Variants in CCDC7 observed in about 807,000 individuals in gnomAD.
The protein encoded by CCDC7 is coiled-coil domain-containing protein 7.
A neutral mutation model predicts 196.9 loss-of-function variants in CCDC7; 183 were observed. That is an observed-to-expected ratio of 0.93 (90% CI 0.82 to 1.05). The LOEUF (loss-of-function observed/expected upper bound fraction) is 1.05, where lower values mean the gene tolerates loss of function less well. Among genes scored for constraint, CCDC7 ranks in the 50% least tolerant of loss-of-function variants. The pLI, the probability that CCDC7 is intolerant of heterozygous loss-of-function variation, is 0.00. For missense variants in CCDC7, 1,540 were observed against 1,482.2 expected, an observed-to-expected ratio of 1.04 and a Z score of -0.64; for synonymous variants, 525 against 484.6, an observed-to-expected ratio of 1.08 and a Z score of -1.10.
At chr10:32,712,987 T>A (rs749557892) in intron 25 of CCDC7, among the ~76,000 whole-genome samples, 4 of 152,158 alleles carry the variant, frequency 2.6e-5, no homozygotes, top group Non-Finnish European at 5.9e-5. Context: ...TTAATACTGG[T>A]TTTGGTAGAC....
chr10:32,627,382 G>A (rs7905328), intron 18 of CCDC7, among the ~76,000 whole-genome samples: 59,661 of 151,580 alleles, frequency 0.39, 11,981 homozygotes, highest in East Asian at 0.58. Context: ...TTTGTATTGC[G>A]CAACTTTATA....
chr10:32,570,210 C>A (rs2057377513), intron 15 of CCDC7, among the ~76,000 whole-genome samples: 1 of 152,148 alleles, frequency 6.6e-6, no homozygotes, highest in African/African-American at 2.4e-5. Flanking sequence ...GCATCCTCAT[C>A]CATCTAATTG....
chr10:32,669,163 G>T (rs1591377953), intron 21 of CCDC7, among the ~76,000 whole-genome samples: 1 of 152,104 alleles, frequency 6.6e-6, no homozygotes, highest in African/African-American at 2.4e-5. Context: ...TTATCATGTG[G>T]TTTTTGTCCT....
At chr10:32,612,176 T>C (rs1055753890) in intron 18 of CCDC7, among the ~76,000 whole-genome samples, 2 of 152,114 alleles carry the variant, frequency 1.3e-5, no homozygotes, top group African/African-American at 2.4e-5. Context: ...ATTCTCTTTG[T>C]AGCAATTGTG....
chr10:32,534,913 A>G (rs1171520989), intron 11 of CCDC7, among the ~76,000 whole-genome samples: 1 of 151,990 alleles, frequency 6.6e-6, no homozygotes, highest in Non-Finnish European at 1.5e-5. Flanking sequence ...TGAGGGTTAA[A>G]GCAAGTACAG....
At chr10:32,618,649 A>G (rs2063041611) in intron 18 of CCDC7, among the ~76,000 whole-genome samples, 2 of 151,948 alleles carry the variant, frequency 1.3e-5, no homozygotes. Flanking sequence ...CTTCTGGCCC[A>G]TAAGTCTTCT....
intron 9 of CCDC7, among the ~76,000 whole-genome samples, chr10:32,504,956 T>C (rs79160014): frequency 0.041 from 6,306 of 152,322 alleles, 138 homozygotes; most frequent in Middle Eastern, 0.051. Flanking sequence ...GATGTTTCCG[T>C]ATTCATTTGT....
intron 9 of CCDC7, among the ~76,000 whole-genome samples, chr10:32,504,263 C>A (rs1478796996): frequency 6.6e-6 from 1 of 151,802 alleles, no homozygotes; most frequent in Non-Finnish European, 1.5e-5. Context: ...ACTACAGGTG[C>A]CTGCCACAAC....
intron 21 of CCDC7, among the ~76,000 whole-genome samples, chr10:32,677,068 A>G (rs1400247358): frequency 6.6e-6 from 1 of 151,550 alleles, no homozygotes; most frequent in Non-Finnish European, 1.5e-5. Flanking sequence ...CTTTGTAGGG[A>G]CATGGATGAA....
chr10:32,818,835 A>T (rs893149165), intron 31 of CCDC7, among the ~76,000 whole-genome samples: 4 of 152,332 alleles, frequency 2.6e-5, no homozygotes, highest in South Asian at 2.1e-4. Flanking sequence ...GGAAATTTAT[A>T]GCACTAATAC....
chr10:32,658,174 C>A (rs980037261), intron 20 of CCDC7, among the ~76,000 whole-genome samples: 1 of 152,178 alleles, frequency 6.6e-6, no homozygotes, highest in Non-Finnish European at 1.5e-5. Context: ...TACCTAGTTC[C>A]AAAGTTGCTT....
At chr10:32,718,474 G>A (rs572896114) in intron 25 of CCDC7, among the ~76,000 whole-genome samples, 254 of 152,158 alleles carry the variant, frequency 1.7e-3, no homozygotes, top group Non-Finnish European at 2.7e-3. Flanking sequence ...AGACAAGGAT[G>A]CCCTCTCTCA....
chr10:32,504,426 T>C (rs1367461473), intron 9 of CCDC7, among the ~76,000 whole-genome samples: 2 of 152,200 alleles, frequency 1.3e-5, no homozygotes, highest in African/African-American at 4.8e-5. Context: ...TTCTGCTCTT[T>C]GTAATTTTCT....
In CCDC7 at chr10:32,800,408, A is replaced by G. The variant is rs143761895; in HGVS notation, c.3014-4607A>G. 5.9e-3 allele frequency among the ~76,000 whole-genome samples: 901 copies of G among 152,248 alleles called. 9 individuals are homozygous for G. The highest frequency in any genetic ancestry group is 0.021 in the African/African-American group (859 of 41,550). On this transcript the variant is annotated intron_variant, in intron 29 of 41. Coordinates refer to ENST00000639629, the Ensembl canonical transcript of CCDC7. ...GTCTGTCCCAATTATGCATTCTGGC[A>G]CTGGGGAAATGACCACAGGGTGAGT...
intron 9 of CCDC7, chr10:32,514,119 T>C (rs970718585): frequency 1.3e-5 from 2 of 152,194 alleles, no homozygotes; most frequent in Non-Finnish European, 1.5e-5. Context: ...AAGTAATGAA[T>C]GAATTCATCA....
At chr10:32,479,673 A>G (rs921062961) in intron 8 of CCDC7, among the ~76,000 whole-genome samples, 1 of 152,114 alleles carries the variant, frequency 6.6e-6, no homozygotes, top group Non-Finnish European at 1.5e-5. Context: ...TTCTTTTCTC[A>G]TAGCGTCTTT....
intron 15 of CCDC7, among the ~76,000 whole-genome samples, chr10:32,569,990 G>A (rs775912661): frequency 6.6e-6 from 1 of 151,962 alleles, no homozygotes; most frequent in Non-Finnish European, 1.5e-5. Context: ...TACTCTTTCT[G>A]AACATGCTCA....
chr10:32,693,125 CT>C (rs1565163350), intron 23 of CCDC7, among the ~76,000 whole-genome samples: 1 of 152,172 alleles, frequency 6.6e-6, no homozygotes, highest in Non-Finnish European at 1.5e-5. Flanking sequence ...TGAGTTACTG[CT>C]TTTATTTTTT....
chr10:32,828,503 A>AAGAGGAAGAG, intron 32 of CCDC7, among the ~76,000 whole-genome samples: 1 of 120,972 alleles, frequency 8.3e-6, no homozygotes, highest in African/African-American at 3.1e-5. Context: ...AAGAAGAAGA[A>AAGAGGAAGAG]GAAGAAGAAG....
Sources: allele counts gnomAD v4.1 joint callset (sites outside exome capture counted in the v4.1 genomes callset), GRCh38; gene constraint gnomAD v4.1.1; transcripts MANE v1.5; gene names NCBI Gene and HGNC (gene_info 2026-07-23, HGNC 2026-07-21).